CDH13: variants seen among roughly 807,000 people sequenced by gnomAD.
CDH13 encodes cadherin-13.
A neutral mutation model predicts 63.8 loss-of-function variants in CDH13; 24 were observed. That is an observed-to-expected ratio of 0.38 (90% CI 0.27 to 0.53). The LOEUF is 0.53. Among genes scored for constraint, CDH13 ranks in the 20% least tolerant of loss-of-function variants. The probability of loss-of-function intolerance (pLI) is 0.85; values close to 1 mark genes in which losing one functional copy is unlikely to be tolerated. For missense variants in CDH13, 1,049 were observed against 903.1 expected, an observed-to-expected ratio of 1.16 and a Z score of -2.07; for synonymous variants, 503 against 355.3, an observed-to-expected ratio of 1.42 and a Z score of -4.67.
intron 6 of CDH13, among the ~76,000 whole-genome samples, chr16:83,442,082 C>T (rs1000043100): frequency 3.9e-5 from 6 of 152,100 alleles, no homozygotes; most frequent in Admixed American, 3.3e-4. Flanking sequence ...TGCAGTCGGA[C>T]CGGAGGAACA....
At chr16:82,929,929 A>G (rs1313360773) in intron 2 of CDH13, among the ~76,000 whole-genome samples, 1 of 151,376 alleles carries the variant, frequency 6.6e-6, no homozygotes, top group Non-Finnish European at 1.5e-5. Flanking sequence ...ACATAACAAC[A>G]CTCAGAGAAA....
chr16:83,532,119 C>A (rs1197129579), intron 7 of CDH13, among the ~76,000 whole-genome samples: 1 of 152,174 alleles, frequency 6.6e-6, no homozygotes. Context: ...TTGTCTGCTG[C>A]CATGTGAGAT....
chr16:83,127,317 C>A (rs1277440590), intron 4 of CDH13, among the ~76,000 whole-genome samples: 1 of 152,168 alleles, frequency 6.6e-6, no homozygotes, highest in Non-Finnish European at 1.5e-5. Context: ...GAAAGATCAT[C>A]CTGGCTGCCT....
At chr16:82,793,405 C>T (rs1291714996) in intron 1 of CDH13, among the ~76,000 whole-genome samples, 1 of 152,010 alleles carries the variant, frequency 6.6e-6, no homozygotes, top group Non-Finnish European at 1.5e-5. Context: ...CTCCACCCCT[C>T]CTGTCCAAAT....
chr16:82,698,857 C>G (rs1267413644), intron 1 of CDH13, among the ~76,000 whole-genome samples: 1 of 152,136 alleles, frequency 6.6e-6, no homozygotes, highest in African/African-American at 2.4e-5. Context: ...ATATTTTAGA[C>G]TTTGGGGCCA....
At chr16:83,011,131 A>G (rs576730417) in intron 2 of CDH13, among the ~76,000 whole-genome samples, 2 of 152,206 alleles carry the variant, frequency 1.3e-5, no homozygotes, top group Non-Finnish European at 2.9e-5. Flanking sequence ...AGTATGAGAC[A>G]GCAGGACAAA....
At chr16:83,647,760 G>C (rs552532382) in intron 8 of CDH13, among the ~76,000 whole-genome samples, 508 of 152,254 alleles carry the variant, frequency 3.3e-3, no homozygotes, top group Non-Finnish European at 5.1e-3. Flanking sequence ...AGTGTTATCT[G>C]GTTGGTGGGT....
chr16:83,298,740 A>C (rs6563890), intron 5 of CDH13, among the ~76,000 whole-genome samples: 150,916 of 152,266 alleles, frequency 0.99, 74,803 homozygotes, highest in Middle Eastern at 1. Context: ...ATGGCCCCAG[A>C]GTAAAAGCCC....
chr16:83,187,746 C>G (rs557355528), intron 4 of CDH13, among the ~76,000 whole-genome samples: 1 of 152,232 alleles, frequency 6.6e-6, no homozygotes, highest in South Asian at 2.1e-4. Flanking sequence ...TCCTACAGTC[C>G]ACCTGCTAGT....
At chr16:83,205,957 C>T (rs754154077) in intron 4 of CDH13, among the ~76,000 whole-genome samples, 2 of 151,996 alleles carry the variant, frequency 1.3e-5, no homozygotes, top group African/African-American at 2.4e-5. Flanking sequence ...TGAGGCTGAG[C>T]GAATGTCAGT....
At chr16:83,393,339 C>T (rs2151432341) in intron 6 of CDH13, among the ~76,000 whole-genome samples, 1 of 152,288 alleles carries the variant, frequency 6.6e-6, no homozygotes, top group East Asian at 1.9e-4. Flanking sequence ...GCAGTTACTG[C>T]AGAGGGACAT....
At chr16:83,103,426 A>G (rs2034610092) in intron 3 of CDH13, among the ~76,000 whole-genome samples, 1 of 150,760 alleles carries the variant, frequency 6.6e-6, no homozygotes, top group Admixed American at 6.6e-5. Flanking sequence ...TTATATTTTT[A>G]GTAGAGATGG....
intron 3 of CDH13, among the ~76,000 whole-genome samples, chr16:83,073,896 T>C (rs1295598500): frequency 6.6e-6 from 1 of 152,128 alleles, no homozygotes; most frequent in Non-Finnish European, 1.5e-5. Context: ...TTAGGATATA[T>C]GTGGTATTTT....
chr16:83,153,939 A>G (rs977291232), intron 4 of CDH13, among the ~76,000 whole-genome samples: 1 of 152,206 alleles, frequency 6.6e-6, no homozygotes, highest in African/African-American at 2.4e-5. Flanking sequence ...AATGAAGTTC[A>G]GTGCAACAAA....
chr16:82,771,106 C>A (rs2035245735), intron 1 of CDH13, among the ~76,000 whole-genome samples: 2 of 152,038 alleles, frequency 1.3e-5, no homozygotes, highest in Non-Finnish European at 2.9e-5. Context: ...CTTCATAAAC[C>A]CTTTTATATT....
At chr16:83,203,491 C>T (rs2039091801) in intron 4 of CDH13, among the ~76,000 whole-genome samples, 1 of 151,632 alleles carries the variant, frequency 6.6e-6, no homozygotes, top group Non-Finnish European at 1.5e-5. Flanking sequence ...TCAAGACCAT[C>T]CTGGCTAACA....
chr16:83,053,347 T>C (rs1285493249), intron 3 of CDH13, among the ~76,000 whole-genome samples: 3 of 152,164 alleles, frequency 2.0e-5, no homozygotes, highest in African/African-American at 7.2e-5. Context: ...CCCTTCTTTC[T>C]TTTTTGGCTT....
At chr16:83,025,549 C>A (rs1375189157) in intron 2 of CDH13, among the ~76,000 whole-genome samples, 1 of 152,162 alleles carries the variant, frequency 6.6e-6, no homozygotes, top group African/African-American at 2.4e-5. Context: ...GATTAAATTA[C>A]CTCCCATCGG....
intron 7 of CDH13, among the ~76,000 whole-genome samples, chr16:83,592,568 C>T (rs1906861906): frequency 6.6e-6 from 1 of 152,144 alleles, no homozygotes; most frequent in Admixed American, 6.5e-5. Flanking sequence ...GCAGAAGATG[C>T]ACACATTGCC....
Sources: gnomAD v4.1 joint callset for allele counts (sites outside exome capture counted in the v4.1 genomes callset) on GRCh38, gnomAD v4.1.1 for gene constraint, MANE v1.5 for transcripts, NCBI Gene and HGNC (gene_info 2026-07-23, HGNC 2026-07-21) for gene names.